The following DCLK1 variants were observed in gnomAD, a reference collection of about 807,000 sequenced individuals.
DCLK1 encodes doublecortin like kinase 1.
Under a neutral mutation model 86.2 loss-of-function variants are expected in DCLK1, and 16 were observed. The ratio of observed to expected loss-of-function variants is 0.19; its 90% CI spans 0.13 to 0.28. The LOEUF (loss-of-function observed/expected upper bound fraction) is 0.28, where lower values mean the gene tolerates loss of function less well. Ranked by LOEUF, DCLK1 falls within the 10% of genes least tolerant of loss-of-function variation. The pLI is 1.00. For missense variants in DCLK1, 590 were observed against 940.2 expected (o/e 0.63, Z 4.87); for synonymous variants, 369 against 370.5 (o/e 1.00, Z 0.05).
At chr13:35,968,291 A>G (rs1211878879) in intron 3 of DCLK1, among the ~76,000 whole-genome samples, 1 of 152,192 alleles carries the variant, frequency 6.6e-6, no homozygotes, top group Non-Finnish European at 1.5e-5. Context: ...AGAAGATGAA[A>G]AAGTTCTGGA....
At chr13:35,873,105 C>T (rs1468297907) in intron 4 of DCLK1, among the ~76,000 whole-genome samples, 5 of 151,550 alleles carry the variant, frequency 3.3e-5, no homozygotes, top group Non-Finnish European at 5.9e-5. Flanking sequence ...AGAGACAAGC[C>T]GGGCCAACAT....
intron 16 of DCLK1, among the ~76,000 whole-genome samples, chr13:35,777,260 T>C (rs1456924045): frequency 1.3e-5 from 2 of 152,198 alleles, no homozygotes; most frequent in African/African-American, 2.4e-5. Context: ...GTTGTCTCTA[T>C]TGGATTTGCA....
At position 35,822,865 on chromosome 13, in the gene DCLK1, AG is replaced by A; in HGVS notation, c.1417del (p.Leu473PhefsTer23). The A allele has an allele frequency of 6.2e-7, 1 of 1,613,780 alleles. No homozygotes were observed. The highest frequency in any genetic ancestry group is 2.2e-5 in the East Asian group (1 of 44,858). ...GTTAGTGGAAGTAATGGCATCAAAA[AG>A]GTCTCCCCCCTGAGAAGAGAACAGA... is the stretch of plus-strand genomic sequence containing the variant. ...LVMELVKGGD[L>X]FDAITSTNKY... On this transcript the variant is annotated frameshift_variant, in exon 11 of 17. Coordinates refer to ENST00000360631, the MANE Select transcript of DCLK1 (RefSeq NM_001330071.2). LOFTEE classifies it high-confidence loss of function.
chr13:35,824,577 C>G (rs1474715123), intron 10 of DCLK1, among the ~76,000 whole-genome samples: 3 of 152,122 alleles, frequency 2.0e-5, no homozygotes, highest in African/African-American at 7.2e-5. Context: ...TCCTACTCCG[C>G]CAAACGCTCC....
At chr13:35,975,193 G>A (rs1879273886) in intron 3 of DCLK1, among the ~76,000 whole-genome samples, 1 of 152,228 alleles carries the variant, frequency 6.6e-6, no homozygotes, top group Non-Finnish European at 1.5e-5. Context: ...AGGAGGGCAG[G>A]TGCAGCCTGT....
chr13:35,850,712 T>C, intron 6 of DCLK1: 1 of 1,598,708 alleles, frequency 6.3e-7, no homozygotes, highest in Non-Finnish European at 8.5e-7. Flanking sequence ...ATTGCTCCAT[T>C]GTTTCTTTTA....
At chr13:36,083,093 CTATT>C (rs1884476795) in intron 3 of DCLK1, among the ~76,000 whole-genome samples, 1 of 151,432 alleles carries the variant, frequency 6.6e-6, no homozygotes, top group African/African-American at 2.4e-5. Flanking sequence ...TTCCAAACTG[CTATT>C]TAAAAAGTCC....
intron 15 of DCLK1, among the ~76,000 whole-genome samples, chr13:35,801,079 T>C (rs1177895602): frequency 6.6e-6 from 1 of 152,096 alleles, no homozygotes; most frequent in Non-Finnish European, 1.5e-5. Flanking sequence ...GTATAAGCAA[T>C]AGAGAAAATT....
chr13:35,958,205 T>G (rs1361053350), intron 3 of DCLK1, among the ~76,000 whole-genome samples: 3 of 40,468 alleles, frequency 7.4e-5, no homozygotes, highest in African/African-American at 4.7e-4. Flanking sequence ...CCACCACCAT[T>G]ATAACCATCA....
At chr13:35,817,244 C>T (rs2087288993) in intron 11 of DCLK1, among the ~76,000 whole-genome samples, 2 of 152,166 alleles carry the variant, frequency 1.3e-5, no homozygotes, top group South Asian at 4.1e-4. Context: ...GATGAAATCA[C>T]AGGTCTTTGA....
At chr13:36,082,974 G>A (rs1884470038) in intron 3 of DCLK1, among the ~76,000 whole-genome samples, 1 of 151,368 alleles carries the variant, frequency 6.6e-6, no homozygotes, top group African/African-American at 2.4e-5. Flanking sequence ...ACAGGGAATG[G>A]GCTCTGTCCA....
At chr13:35,842,643 T>C (rs1442363429) in intron 6 of DCLK1, among the ~76,000 whole-genome samples, 1 of 152,208 alleles carries the variant, frequency 6.6e-6, no homozygotes, top group African/African-American at 2.4e-5. Flanking sequence ...CTTACTGGCT[T>C]ATGTGGATGA....
intron 3 of DCLK1, among the ~76,000 whole-genome samples, chr13:36,054,471 T>C (rs191333496): frequency 6.6e-6 from 1 of 152,340 alleles, no homozygotes; most frequent in Non-Finnish European, 1.5e-5. Context: ...AGCTGGGCTA[T>C]TATTATGCTA....
rs1397270349 is a variant in DCLK1, at chr13:35,847,522, C to T, written c.1035+6977G>A. 72 of 984,448 alleles carry T rather than the reference C, an allele frequency of 7.3e-5. 1 individual carries two copies. The Admixed American group carries it at 4.4e-3, about 60-fold the overall frequency. 61.0% of individuals were successfully genotyped at this position (984,448 alleles called of 1,614,324 possible). A position where few individuals can be genotyped will look rare whatever the true frequency, so the allele number is the denominator to read the frequency against. ...GCCACATATGAAAAATTTAGCAGTCCAAGAATTAAAATATGTGGAATTTTC... is the reference window on the plus strand; with the variant it reads ...GCCACATATGAAAAATTTAGCAGTCTAAGAATTAAAATATGTGGAATTTTC... On this transcript the variant is annotated intron_variant, in intron 6 of 16. Coordinates refer to ENST00000360631, the MANE Select transcript of DCLK1 (RefSeq NM_001330071.2).
chr13:36,089,714 C>G (rs756991530), intron 3 of DCLK1, among the ~76,000 whole-genome samples: 25 of 152,178 alleles, frequency 1.6e-4, no homozygotes, highest in Non-Finnish European at 3.5e-4. Context: ...TTGCCTCACA[C>G]CAATAACATC....
At chr13:35,818,917 T>C (rs1461864707) in intron 11 of DCLK1, among the ~76,000 whole-genome samples, 1 of 152,078 alleles carries the variant, frequency 6.6e-6, no homozygotes, top group Non-Finnish European at 1.5e-5. Context: ...TAAGCCCATC[T>C]GGAGAAGCAT....
At chr13:36,045,233 CTCTA>C (rs1334904837) in intron 3 of DCLK1, among the ~76,000 whole-genome samples, 6 of 143,892 alleles carry the variant, frequency 4.2e-5, no homozygotes, top group Non-Finnish European at 7.5e-5. Flanking sequence ...TCTACCCATG[CTCTA>C]TCTATTCAAA....
chr13:35,993,997 A>G (rs551873476), intron 3 of DCLK1, among the ~76,000 whole-genome samples: 1 of 152,250 alleles, frequency 6.6e-6, no homozygotes, highest in South Asian at 2.1e-4. Context: ...CCAGCGTTTC[A>G]GACTCTTTCA....
At chr13:35,827,995 G>T (rs1018590223) in intron 9 of DCLK1, among the ~76,000 whole-genome samples, 1 of 152,078 alleles carries the variant, frequency 6.6e-6, no homozygotes, top group African/African-American at 2.4e-5. Context: ...GCAAAGAATG[G>T]GATGAAACTT....
Sources: allele counts gnomAD v4.1 joint callset (sites outside exome capture counted in the v4.1 genomes callset), GRCh38; gene constraint gnomAD v4.1.1; transcripts MANE v1.5; gene names NCBI Gene and HGNC (gene_info 2026-07-23, HGNC 2026-07-21).